Variants in CD8B2 observed in about 807,000 individuals in gnomAD.
CD8B2 encodes the protein T-cell surface glycoprotein CD8 beta-2 chain.
Under a neutral mutation model 23.7 loss-of-function variants are expected in CD8B2, and 11 were observed. The ratio of observed to expected loss-of-function variants is 0.46; its 90% CI spans 0.29 to 0.77. CD8B2 has a LOEUF of 0.77. CD8B2 is among the 30% of genes least tolerant of loss of function. The probability of loss-of-function intolerance (pLI) is 0.09; values close to 1 mark genes in which losing one functional copy is unlikely to be tolerated. For missense variants in CD8B2, 197 were observed against 270.5 expected (o/e 0.73, Z 1.91); for synonymous variants, 90 against 109.3 (o/e 0.82, Z 1.10).
chr2:106,515,463 C>T (rs1679715284), downstream of CD8B2, among the ~76,000 whole-genome samples: 1 of 152,124 alleles, frequency 6.6e-6, no homozygotes, highest in African/African-American at 2.4e-5. Context: ...GTAGAGGCCC[C>T]ATGATGGGAT....
intron 3 of CD8B2, among the ~76,000 whole-genome samples, chr2:106,498,375 T>C (rs1679338949): frequency 6.6e-6 from 1 of 152,140 alleles, no homozygotes; most frequent in South Asian, 2.1e-4. Flanking sequence ...CTTGAGCTCC[T>C]GACTTCAGGT....
At chr2:106,514,620 T>C (rs557873706), downstream of CD8B2, among the ~76,000 whole-genome samples, 3 of 151,892 alleles carry the variant, frequency 2.0e-5, no homozygotes, top group African/African-American at 4.8e-5. Flanking sequence ...TTCCTAGTCA[T>C]TGTGACATAC....
intron 1 of CD8B2, among the ~76,000 whole-genome samples, chr2:106,490,561 T>C (rs1426813979): frequency 1.3e-5 from 2 of 152,240 alleles, no homozygotes; most frequent in Non-Finnish European, 2.9e-5. Context: ...CAAAGCCAGT[T>C]TGAGGCTTGA....
chr2:106,531,858 C>G lies in CD8B2; in HGVS notation c.621-12134C>G, dbSNP rs115839636. Among the ~76,000 whole-genome samples, 1,232 of 152,328 alleles carry G rather than the reference C, an allele frequency of 8.1e-3. 8 individuals are homozygous for G. The highest frequency in any genetic ancestry group is 0.012 in the Non-Finnish European group (822 of 68,026). On this transcript the variant is annotated intron_variant, in intron 5 of 5. Coordinates refer to the CD8B2 transcript ENST00000416057. ...AGAGTGTGTGTGTGGGTAGAACAAA[C>G]AAGCTACATCCAGCCCAGCATTCCA...
intron 5 of CD8B2, among the ~76,000 whole-genome samples, chr2:106,506,363 G>A (rs1573337052): frequency 6.6e-6 from 1 of 152,030 alleles, no homozygotes; most frequent in Non-Finnish European, 1.5e-5. Context: ...GTGGTCGTGG[G>A]GGGACCCTGA....
At chr2:106,520,496 A>T (rs922347454) in intron 5 of CD8B2, among the ~76,000 whole-genome samples, 1 of 152,170 alleles carries the variant, frequency 6.6e-6, no homozygotes, top group Non-Finnish European at 1.5e-5. Context: ...GCTGTCTTTC[A>T]AGCCTCCTGA....
intron 5 of CD8B2, among the ~76,000 whole-genome samples, chr2:106,532,923 C>A (rs1680010108): frequency 6.6e-6 from 1 of 152,160 alleles, no homozygotes; most frequent in African/African-American, 2.4e-5. Context: ...CAGGTCTCAG[C>A]CTTATTTTAC....
chr2:106,541,140 G>A (rs1389676411), intron 5 of CD8B2, among the ~76,000 whole-genome samples: 3 of 152,158 alleles, frequency 2.0e-5, no homozygotes, highest in Non-Finnish European at 4.4e-5. Context: ...GGTAGGCCAC[G>A]GTGGCACGCT....
intron 2 of CD8B2, among the ~76,000 whole-genome samples, chr2:106,495,580 G>T (rs1351191350): frequency 2.0e-5 from 3 of 152,052 alleles, no homozygotes; most frequent in Admixed American, 2.0e-4. Flanking sequence ...ATAAATCAGA[G>T]GTGTAGGCTC....
chr2:106,489,337 G>A (rs949944993), intron 1 of CD8B2, among the ~76,000 whole-genome samples: 5 of 151,686 alleles, frequency 3.3e-5, no homozygotes, highest in African/African-American at 1.2e-4. Context: ...CGAAAGCTAA[G>A]AGTGGTCCAG....
intron 3 of CD8B2, among the ~76,000 whole-genome samples, chr2:106,497,306 G>A (rs1021180126): frequency 1.3e-5 from 2 of 152,132 alleles, no homozygotes; most frequent in Admixed American, 6.6e-5. Context: ...ACCTAACAGA[G>A]GACCTAATAC....
intron 4 of CD8B2, among the ~76,000 whole-genome samples, chr2:106,503,109 C>T (rs188928700): frequency 0.014 from 2,035 of 149,110 alleles, 41 homozygotes; most frequent in African/African-American, 0.047. Flanking sequence ...CTTCTATGGC[C>T]CCCACCCCAA....
chr2:106,496,063 G>A (rs867429168), intron 2 of CD8B2, 110 bp from the exon 3 acceptor site: 2 of 1,529,918 alleles, frequency 1.3e-6, no homozygotes, highest in Middle Eastern at 1.9e-4. Context: ...CTCCGGAAGT[G>A]TTGGGATTCC....
In CD8B2 at chr2:106,509,154, C is replaced by T. The variant is rs1369617202; in HGVS notation, c.*2214C>T. 2 of 152,326 alleles carry T rather than the reference C, an allele frequency of 1.3e-5. No homozygotes were observed. The allele number at this position is 152,326 out of a possible 1,614,324, so 9.4% of individuals were successfully genotyped here. On this transcript the variant is annotated 3_prime_UTR_variant, in exon 6 of 6. Transcript: ENST00000643224. ...TCCCTGCCCCCAGACATAGATGTTT[C>T]TCCTTGATTCAGCACGAATTGGCCT...
At chr2:106,530,824 G>T (rs1287375631) in intron 5 of CD8B2, among the ~76,000 whole-genome samples, 1 of 152,126 alleles carries the variant, frequency 6.6e-6, no homozygotes, top group Admixed American at 6.5e-5. Flanking sequence ...CCAAGAAGGC[G>T]GTGAGAGTGA....
rs1679597797 is a variant in CD8B2 at position 106,510,251 on chromosome 2, C to T, written c.*3311C>T. The T allele has an allele frequency of 3.3e-5, 5 of 152,210 alleles. No homozygotes were observed. 9.4% of individuals were successfully genotyped at this position (152,210 alleles called of 1,614,324 possible). A position where few individuals can be genotyped will look rare whatever the true frequency, so the allele number is the denominator to read the frequency against. On this transcript the variant is annotated 3_prime_UTR_variant, in exon 6 of 6. Transcript: ENST00000643224. ...GCATGAGGTTTGAAGGTGAGCGTTTCTGCTTCTCAATCTGGGAATCACTTA... is the reference window on the plus strand; with the variant it reads ...GCATGAGGTTTGAAGGTGAGCGTTTTTGCTTCTCAATCTGGGAATCACTTA...
intron 3 of CD8B2, among the ~76,000 whole-genome samples, chr2:106,501,811 C>G (rs955804604): frequency 1.3e-5 from 2 of 152,234 alleles, no homozygotes; most frequent in African/African-American, 4.8e-5. Context: ...TCAGGGAACA[C>G]TCTAATCCTA....
intron 5 of CD8B2, among the ~76,000 whole-genome samples, chr2:106,537,689 G>A (rs776495717): frequency 6.6e-6 from 1 of 152,216 alleles, no homozygotes; most frequent in African/African-American, 2.4e-5. Flanking sequence ...GAAAAGAAGA[G>A]CATGGCTGTT....
At chr2:106,501,769 A>G (rs766776465) in intron 3 of CD8B2, among the ~76,000 whole-genome samples, 11 of 152,230 alleles carry the variant, frequency 7.2e-5, no homozygotes, top group Non-Finnish European at 1.6e-4. Context: ...TAAATTATCA[A>G]TGGTGATTAA....
Sources: allele counts gnomAD v4.1 joint callset (sites outside exome capture counted in the v4.1 genomes callset), GRCh38; gene constraint gnomAD v4.1.1; transcripts MANE v1.5; gene names NCBI Gene and HGNC (gene_info 2026-07-23, HGNC 2026-07-21).